ANO4: variants seen among roughly 807,000 people sequenced by gnomAD.
ANO4 encodes anoctamin 4.
ANO4 carries 69 observed loss-of-function variants against 141.9 expected under a neutral mutation model. The ratio of observed to expected loss-of-function variants is 0.49; its 90% CI spans 0.40 to 0.59. The LOEUF is 0.59. ANO4 is among the 20% of genes least tolerant of loss of function. The pLI, the probability that ANO4 is intolerant of heterozygous loss-of-function variation, is 0.00. For synonymous variants in ANO4, 350 were observed against 394.3 expected, an observed-to-expected ratio of 0.89 and a Z score of 1.33; for missense variants, 894 against 1,162.2, an observed-to-expected ratio of 0.77 and a Z score of 3.36.
chr12:100,952,147 G>C (rs1040845291), intron 5 of ANO4, among the ~76,000 whole-genome samples: 2 of 152,142 alleles, frequency 1.3e-5, no homozygotes, highest in Admixed American at 1.3e-4. Flanking sequence ...TCAGACTCTT[G>C]AATCAGAAAA....
intron 24 of ANO4, among the ~76,000 whole-genome samples, chr12:101,114,367 T>C (rs534328002): frequency 6.6e-6 from 1 of 152,322 alleles, no homozygotes; most frequent in South Asian, 2.1e-4. Flanking sequence ...GGAAATGATA[T>C]GGAAGGAAGA....
intron 7 of ANO4, among the ~76,000 whole-genome samples, chr12:100,980,713 A>C (rs2136307437): frequency 6.6e-6 from 1 of 152,342 alleles, no homozygotes; most frequent in African/African-American, 2.4e-5. Context: ...TTAAAAAATC[A>C]CTTGACTCTC....
At chr12:101,086,939 C>T in intron 17 of ANO4, 115 bp downstream of exon 17, 3 of 1,212,984 alleles carry the variant, frequency 2.5e-6, no homozygotes, top group South Asian at 3.1e-5. Flanking sequence ...TCACATAGCA[C>T]TGATGTCCTG....
intron 1 of ANO4, among the ~76,000 whole-genome samples, chr12:100,858,913 G>A (rs866172854): frequency 6.6e-6 from 1 of 152,160 alleles, no homozygotes; most frequent in South Asian, 2.1e-4. Flanking sequence ...AATAGGAGCA[G>A]GGAAGTGCCA....
chr12:101,019,217 T>G (rs1404639377), intron 8 of ANO4, among the ~76,000 whole-genome samples: 1 of 152,172 alleles, frequency 6.6e-6, no homozygotes, highest in Non-Finnish European at 1.5e-5. Flanking sequence ...ATGAAGGAGT[T>G]ACATATACAG....
At chr12:101,070,159 A>G (rs2048751975) in intron 14 of ANO4, among the ~76,000 whole-genome samples, 1 of 152,224 alleles carries the variant, frequency 6.6e-6, no homozygotes, top group Admixed American at 6.5e-5. Context: ...AGAAATAGAA[A>G]AAATAATCCT....
At chr12:100,910,749 C>G (rs1196378835) in intron 2 of ANO4, among the ~76,000 whole-genome samples, 1 of 152,074 alleles carries the variant, frequency 6.6e-6, no homozygotes, top group Admixed American at 6.5e-5. Context: ...TTGCTTTTTC[C>G]TTATCTGTTA....
At chr12:100,725,536 C>T (rs1452785231) in intron 1 of ANO4, among the ~76,000 whole-genome samples, 2 of 151,768 alleles carry the variant, frequency 1.3e-5, no homozygotes, top group Non-Finnish European at 2.9e-5. Context: ...TTGGTAGAGA[C>T]GGGGTTTCAC....
At chr12:100,898,885 G>C (rs940946941) in intron 1 of ANO4, among the ~76,000 whole-genome samples, 1 of 152,284 alleles carries the variant, frequency 6.6e-6, no homozygotes, top group African/African-American at 2.4e-5. Context: ...CCCTTCATCT[G>C]TCATCCACAA....
chr12:100,964,467 A>AT (rs5800445), intron 5 of ANO4, among the ~76,000 whole-genome samples: 1 of 151,884 alleles, frequency 6.6e-6, no homozygotes, highest in Non-Finnish European at 1.5e-5. Context: ...ATTCACTATG[A>AT]TTTTTTTTAA....
At chr12:100,971,812 A>G (rs1270321775) in intron 6 of ANO4, among the ~76,000 whole-genome samples, 3 of 152,144 alleles carry the variant, frequency 2.0e-5, no homozygotes, top group African/African-American at 7.2e-5. Flanking sequence ...GTATTTCTGT[A>G]GATACAAGTG....
chr12:100,852,431 GCTTCTTC>G (rs2037925698), intron 1 of ANO4: 1 of 152,170 alleles, frequency 6.6e-6, no homozygotes, highest in Admixed American at 6.5e-5. Context: ...CAGGATACAG[GCTTCTTC>G]TACTGTCCTA....
At position 100,999,502 on chromosome 12, in the gene ANO4, C is replaced by T. The variant is rs1392215894; in HGVS notation, c.734+11832C>T. ...TGTCTTAAGGTCAGCTGATTAGCAACTTTAATTCCATCTGCATCATTAATT... is the reference window on the plus strand; with the variant it reads ...TGTCTTAAGGTCAGCTGATTAGCAATTTTAATTCCATCTGCATCATTAATT... On this transcript the variant is annotated intron_variant, in intron 8 of 27. Coordinates refer to ENST00000392977, the MANE Select transcript of ANO4 (RefSeq NM_001286615.2). Among the ~76,000 whole-genome samples, 3 of 152,194 alleles carry T rather than the reference C, an allele frequency of 2.0e-5. No individual in the cohort carries two copies. In the East Asian group the frequency reaches 5.8e-4, roughly 29 times the overall value.
intron 22 of ANO4, among the ~76,000 whole-genome samples, chr12:101,104,931 A>G (rs1274433439): frequency 6.6e-6 from 1 of 151,892 alleles, no homozygotes; most frequent in Admixed American, 6.6e-5. Context: ...TGCTTTATGT[A>G]TTTTGAAACT....
At chr12:100,878,292 G>T (rs1038251078) in intron 1 of ANO4, among the ~76,000 whole-genome samples, 23 of 152,288 alleles carry the variant, frequency 1.5e-4, no homozygotes, top group African/African-American at 5.3e-4. Context: ...ACTGAATTTT[G>T]TCCTCCTAAG....
At chr12:100,887,590 C>A (rs2039900064) in intron 1 of ANO4, among the ~76,000 whole-genome samples, 1 of 151,958 alleles carries the variant, frequency 6.6e-6, no homozygotes, top group South Asian at 2.1e-4. Flanking sequence ...ATTAGCTGTC[C>A]TTGCCTTTGC....
upstream of ANO4, among the ~76,000 whole-genome samples, chr12:100,793,590 A>G (rs186501257): frequency 1.3e-3 from 204 of 152,208 alleles, no homozygotes; most frequent in Middle Eastern, 3.4e-3. Context: ...AACAGAAAAC[A>G]AAACCCGAGG....
chr12:100,787,763 C>G (rs1255332366), intron 3 of ANO4, among the ~76,000 whole-genome samples: 2 of 152,148 alleles, frequency 1.3e-5, no homozygotes, highest in Non-Finnish European at 2.9e-5. Flanking sequence ...GTGGCCAAAA[C>G]AGTCATCCAT....
rs116023454 is a variant in ANO4, at chr12:100,920,347, T to C, written c.56-1879T>C. ...AATTACTCCATTGCATCGCACCTTCTTTTCAAGATTAAAGCCTAAATGATA... is the reference window on the plus strand; with the variant it reads ...AATTACTCCATTGCATCGCACCTTCCTTTCAAGATTAAAGCCTAAATGATA... On this transcript the variant is annotated intron_variant, in intron 2 of 27. Coordinates refer to ENST00000392977, the MANE Select transcript of ANO4 (RefSeq NM_001286615.2). Among the ~76,000 whole-genome samples, 1,322 of 152,288 alleles carry C rather than the reference T, an allele frequency of 8.7e-3. 16 individuals carry two copies. Among genetic ancestry groups the C allele is most frequent in the African/African-American group, 0.03 (1,255 of 41,572 alleles).
Sources: gnomAD v4.1 joint callset for allele counts (sites outside exome capture counted in the v4.1 genomes callset) on GRCh38, gnomAD v4.1.1 for gene constraint, MANE v1.5 for transcripts, NCBI Gene and HGNC (gene_info 2026-07-23, HGNC 2026-07-21) for gene names.